MAPK10: variants seen among roughly 807,000 people sequenced by gnomAD.
MAPK10 encodes JNK3 alpha protein kinase.
In MAPK10, 25 loss-of-function variants were observed where a neutral mutation model predicts 59.3. The observed-to-expected ratio is 0.42, with a 90% CI of 0.31 to 0.59. MAPK10 has a LOEUF of 0.59. MAPK10 is among the 20% of genes least tolerant of loss of function. The pLI is 0.15. For missense variants in MAPK10, 351 were observed against 568.9 expected (o/e 0.62, Z 3.90); for synonymous variants, 190 against 200.5 (o/e 0.95, Z 0.44).
rs571099365 is a variant in MAPK10 at position 86,316,065 on chromosome 4, T to C, written c.-7+38465A>G. 3.9e-5 allele frequency among the ~76,000 whole-genome samples: 6 copies of C among 152,272 alleles called. No homozygotes were observed. In the East Asian group the frequency reaches 1.2e-3, roughly 29 times the overall value. On this transcript the variant is annotated intron_variant, in intron 2 of 13. Transcript: ENST00000641462. ...GTCACTGCTAGAGTGGTATCTTCAT[T>C]AGAAATGCCTCTGTAACAAACACTG...
chr4:86,422,303 G>A (rs1008680629), intron 1 of MAPK10, among the ~76,000 whole-genome samples: 1 of 152,154 alleles, frequency 6.6e-6, no homozygotes. Flanking sequence ...TGAAGTGTTA[G>A]GGACCAGACT....
At chr4:86,566,441 CG>C (rs1200860123) in intron 1 of MAPK10, among the ~76,000 whole-genome samples, 2 of 152,044 alleles carry the variant, frequency 1.3e-5, no homozygotes, top group Admixed American at 1.3e-4. Flanking sequence ...AGGCCGGGCG[CG>C]GTGGCTCACG....
At chr4:86,208,490 A>C (rs1325074430) in intron 2 of MAPK10, among the ~76,000 whole-genome samples, 1 of 150,238 alleles carries the variant, frequency 6.7e-6, no homozygotes, top group Non-Finnish European at 1.5e-5. Flanking sequence ...GACAATAACC[A>C]CATGATTATC....
At chr4:86,274,177 A>G (rs1386409252) in intron 2 of MAPK10, among the ~76,000 whole-genome samples, 1 of 152,080 alleles carries the variant, frequency 6.6e-6, no homozygotes, top group Non-Finnish European at 1.5e-5. Context: ...ATTGTCATAT[A>G]AATTAGACTT....
intron 2 of MAPK10, among the ~76,000 whole-genome samples, chr4:86,329,060 G>A (rs1378222903): frequency 2.0e-5 from 3 of 152,100 alleles, no homozygotes; most frequent in Non-Finnish European, 4.4e-5. Context: ...TATTCACCTA[G>A]CTTGCCCTTC....
intron 4 of MAPK10, among the ~76,000 whole-genome samples, chr4:86,112,484 T>C (rs1198542740): frequency 2.6e-5 from 4 of 152,200 alleles, no homozygotes; most frequent in African/African-American, 7.2e-5. Flanking sequence ...CAGGAGTCAT[T>C]CAGGAGCATG....
intron 4 of MAPK10, among the ~76,000 whole-genome samples, chr4:86,135,523 A>G (rs913539573): frequency 3.3e-5 from 5 of 152,194 alleles, no homozygotes; most frequent in Non-Finnish European, 7.4e-5. Flanking sequence ...CATCCACACC[A>G]AAAACCCATC....
chr4:86,457,109 C>A (rs368975630), upstream of MAPK10, among the ~76,000 whole-genome samples: 3 of 150,010 alleles, frequency 2.0e-5, no homozygotes, highest in African/African-American at 5.1e-5. Context: ...ATCTAGCATC[C>A]CTTTATGATT....
At chr4:86,367,660 T>TG (rs927682431) in intron 1 of MAPK10, among the ~76,000 whole-genome samples, 3 of 152,050 alleles carry the variant, frequency 2.0e-5, no homozygotes, top group African/African-American at 7.2e-5. Context: ...TGTTTTTTTT[T>TG]TTGTTTTGTT....
intron 2 of MAPK10, among the ~76,000 whole-genome samples, chr4:86,303,908 TA>T (rs1394205074): frequency 6.6e-6 from 1 of 152,186 alleles, no homozygotes; most frequent in East Asian, 1.9e-4. Context: ...TACGAAATCA[TA>T]GAATAGTCTA....
At chr4:86,358,908 G>C (rs1735832470) in intron 1 of MAPK10, 1 of 151,864 alleles carries the variant, frequency 6.6e-6, no homozygotes, top group Non-Finnish European at 1.5e-5. Context: ...AAAGCTGACT[G>C]CTGTGACTAG....
intron 1 of MAPK10, among the ~76,000 whole-genome samples, chr4:86,529,108 C>A (rs1403278203): frequency 1.3e-5 from 2 of 152,220 alleles, no homozygotes; most frequent in South Asian, 2.1e-4. Context: ...AGCATCTCTG[C>A]ATACAACTGT....
chr4:86,504,060 C>T (rs1001143746), intron 1 of MAPK10, among the ~76,000 whole-genome samples: 6 of 151,736 alleles, frequency 4.0e-5, no homozygotes, highest in African/African-American at 1.5e-4. Context: ...AAGTAACATT[C>T]CCCCCAGCCT....
At chr4:86,244,845 CTCTT>C (rs1443219675) in intron 2 of MAPK10, among the ~76,000 whole-genome samples, 2 of 152,122 alleles carry the variant, frequency 1.3e-5, no homozygotes, top group Non-Finnish European at 2.9e-5. Context: ...ATCATGTGAT[CTCTT>C]TGAGTCTGAG....
At chr4:86,300,600 C>G (rs2095450855) in intron 2 of MAPK10, 1 of 152,084 alleles carries the variant, frequency 6.6e-6, no homozygotes, top group Non-Finnish European at 1.5e-5. Flanking sequence ...AGTTGTAGAA[C>G]AATACAAAAT....
intron 2 of MAPK10, among the ~76,000 whole-genome samples, chr4:86,328,583 A>C (rs1209781404): frequency 6.6e-6 from 1 of 152,232 alleles, no homozygotes; most frequent in Non-Finnish European, 1.5e-5. Flanking sequence ...TTACAATAGT[A>C]AAGACTTGAA....
chr4:86,511,475 AG>A (rs1756232953), intron 1 of MAPK10, among the ~76,000 whole-genome samples: 1 of 152,124 alleles, frequency 6.6e-6, no homozygotes, highest in South Asian at 2.1e-4. Flanking sequence ...CAGAGGTGGG[AG>A]GATGGCTTGA....
chr4:86,569,990 C>T (rs143683437), intron 1 of MAPK10, among the ~76,000 whole-genome samples: 1 of 152,104 alleles, frequency 6.6e-6, no homozygotes, highest in Admixed American at 6.6e-5. Context: ...AAGGAGAAAA[C>T]TGTTTATTTC....
chr4:86,333,125 A>T (rs2096194411), intron 2 of MAPK10, among the ~76,000 whole-genome samples: 1 of 152,176 alleles, frequency 6.6e-6, no homozygotes, highest in African/African-American at 2.4e-5. Context: ...AGATTTTTTT[A>T]AAAACCAACA....
Sources: allele counts gnomAD v4.1 joint callset (sites outside exome capture counted in the v4.1 genomes callset), GRCh38; gene constraint gnomAD v4.1.1; transcripts MANE v1.5; gene names NCBI Gene and HGNC (gene_info 2026-07-23, HGNC 2026-07-21).